ADCK1: variants seen among roughly 807,000 people sequenced by gnomAD.
ADCK1 encodes the protein aarF domain containing kinase 1, also known as aarF domain-containing protein kinase 1.
In ADCK1, 41 loss-of-function variants were observed where a neutral mutation model predicts 52.3. That is an observed-to-expected ratio of 0.78 (90% CI 0.61 to 1.02). The LOEUF is 1.02. ADCK1 is among the 50% of genes least tolerant of loss of function. ADCK1 has a pLI of 0.00. For synonymous variants in ADCK1, 250 were observed against 274.6 expected (o/e 0.91, Z 0.89); for missense variants, 658 against 679.5 (o/e 0.97, Z 0.35).
At chr14:77,928,456 T>C (rs2084247665) in intron 9 of ADCK1, among the ~76,000 whole-genome samples, 1 of 143,682 alleles carries the variant, frequency 7.0e-6, no homozygotes, top group African/African-American at 2.7e-5. Flanking sequence ...GATAGAATTT[T>C]GTTTTTGCAT....
chr14:77,856,037 C>G (rs2082409976), intron 3 of ADCK1, among the ~76,000 whole-genome samples: 1 of 151,888 alleles, frequency 6.6e-6, no homozygotes, highest in Non-Finnish European at 1.5e-5. Context: ...TAGTGAAACC[C>G]CTTCTCTACT....
chr14:77,924,231 C>G (rs1566738955), intron 7 of ADCK1: 4 of 546,352 alleles, frequency 7.3e-6, no homozygotes, highest in Non-Finnish European at 1.3e-5. Flanking sequence ...AATACTGGTG[C>G]CTTGTACCGC....
At chr14:77,842,458 TC>T (rs1464389219) in intron 3 of ADCK1, among the ~76,000 whole-genome samples, 2 of 46,478 alleles carry the variant, frequency 4.3e-5, no homozygotes, top group African/African-American at 9.4e-5. Context: ...TTTCCTTCCT[TC>T]CTTCCTTCCT....
chr14:77,831,406 G>A (rs967342813), intron 3 of ADCK1, among the ~76,000 whole-genome samples: 27 of 152,256 alleles, frequency 1.8e-4, no homozygotes, highest in Non-Finnish European at 3.8e-4. Flanking sequence ...ACTGATTGTG[G>A]GAGGGGAGGT....
intron 7 of ADCK1, among the ~76,000 whole-genome samples, chr14:77,909,693 G>A (rs1285966467): frequency 1.3e-5 from 2 of 152,216 alleles, no homozygotes; most frequent in East Asian, 3.8e-4. Context: ...ACAGTGCTAA[G>A]CACAGTGCCT....
In ADCK1 at chr14:77,860,413, T is replaced by A. The variant is rs185660192; in HGVS notation, c.423+1134T>A. ...GCAGAGGTTTGATAAAGACCAGTGG[T>A]TCCCTTTTTACAGGGAGCTGGCACT... is the stretch of plus-strand genomic sequence containing the variant. On this transcript the variant is annotated intron_variant, in intron 4 of 10. Transcript: ENST00000238561. Among the ~76,000 whole-genome samples, 105 of 152,352 alleles carry A rather than the reference T, an allele frequency of 6.9e-4. 1 individual carries two copies. In the Middle Eastern group the frequency reaches 0.01, roughly 15 times the overall value.
At chr14:77,901,517 G>A (rs1247348340) in intron 6 of ADCK1, among the ~76,000 whole-genome samples, 2 of 152,014 alleles carry the variant, frequency 1.3e-5, no homozygotes, top group Non-Finnish European at 2.9e-5. Context: ...AGCCTCCTGA[G>A]TAGCTAGGAC....
At chr14:77,862,919 AG>A (rs970401489) in intron 4 of ADCK1, among the ~76,000 whole-genome samples, 2 of 152,228 alleles carry the variant, frequency 1.3e-5, no homozygotes, top group African/African-American at 4.8e-5. Context: ...TTTCTGAAGC[AG>A]GTGGCCTCTG....
chr14:77,899,727 A>G (rs1375784170), intron 6 of ADCK1, among the ~76,000 whole-genome samples: 1 of 152,170 alleles, frequency 6.6e-6, no homozygotes, highest in Non-Finnish European at 1.5e-5. Context: ...ACATAAGAGA[A>G]ACCACAGAGC....
intron 4 of ADCK1, among the ~76,000 whole-genome samples, chr14:77,871,661 G>C (rs2082781309): frequency 6.6e-6 from 1 of 152,086 alleles, no homozygotes. Context: ...CTGCTCCTGG[G>C]AGCTGATACT....
At chr14:77,915,366 G>T (rs2083897997) in intron 7 of ADCK1, among the ~76,000 whole-genome samples, 1 of 108,346 alleles carries the variant, frequency 9.2e-6, no homozygotes, top group Admixed American at 1.4e-4. Flanking sequence ...ACAGGCCCCA[G>T]AGTGTGATGT....
chr14:77,823,122 G>A (rs2081616729), intron 3 of ADCK1, among the ~76,000 whole-genome samples: 1 of 152,182 alleles, frequency 6.6e-6, no homozygotes, highest in African/African-American at 2.4e-5. Flanking sequence ...TTGGAACAGG[G>A]TAGTTGATGT....
At chr14:77,912,098 C>T (rs1004467608) in intron 7 of ADCK1, among the ~76,000 whole-genome samples, 34 of 152,270 alleles carry the variant, frequency 2.2e-4, no homozygotes, top group Admixed American at 1.7e-3. Flanking sequence ...TGGGATCTGA[C>T]GTCTTTGTCA....
chr14:77,842,888 C>T (rs2082104147), intron 3 of ADCK1, among the ~76,000 whole-genome samples: 1 of 132,904 alleles, frequency 7.5e-6, no homozygotes, highest in South Asian at 2.4e-4. Flanking sequence ...TCTTTTCTTT[C>T]TTTCTTTTTT....
At chr14:77,816,954 A>G (rs946502567) in intron 1 of ADCK1, among the ~76,000 whole-genome samples, 7 of 150,274 alleles carry the variant, frequency 4.7e-5, no homozygotes, top group African/African-American at 1.7e-4. Flanking sequence ...GACTTTAAAG[A>G]AAATGAGTAG....
chr14:77,829,189 G>C (rs961566232), intron 3 of ADCK1, among the ~76,000 whole-genome samples: 1 of 151,138 alleles, frequency 6.6e-6, no homozygotes, highest in Non-Finnish European at 1.5e-5. Context: ...TTTGCTACTG[G>C]GGTACCATTG....
At chr14:77,912,208 C>A (rs925962543) in intron 7 of ADCK1, among the ~76,000 whole-genome samples, 1 of 152,144 alleles carries the variant, frequency 6.6e-6, no homozygotes, top group Admixed American at 6.6e-5. Flanking sequence ...GGCTTTTAGG[C>A]TTTGCATGAC....
At chr14:77,822,559 G>T (rs1393781802) in intron 3 of ADCK1, 41 bp downstream of exon 3, 2 of 1,526,094 alleles carry the variant, frequency 1.3e-6, no homozygotes, top group Non-Finnish European at 1.8e-6. Context: ...GGCCAGGACT[G>T]GATAACCCTT....
At chr14:77,845,798 A>G (rs1233644960) in intron 3 of ADCK1, among the ~76,000 whole-genome samples, 1 of 150,284 alleles carries the variant, frequency 6.7e-6, no homozygotes, top group Admixed American at 6.6e-5. Flanking sequence ...TCCCCTGCTC[A>G]CTCCCTCTGC....
Sources: allele counts gnomAD v4.1 joint callset (sites outside exome capture counted in the v4.1 genomes callset), GRCh38; gene constraint gnomAD v4.1.1; transcripts MANE v1.5; gene names NCBI Gene and HGNC (gene_info 2026-07-23, HGNC 2026-07-21).